Variants in RARB observed in about 807,000 individuals in gnomAD.
The protein encoded by RARB is retinoic acid receptor beta, also known as HBV-activated protein.
In RARB, 17 loss-of-function variants were observed where a neutral mutation model predicts 51.9. That is an observed-to-expected ratio of 0.33 (90% CI 0.22 to 0.49). The LOEUF is 0.49. Ranked by LOEUF, RARB falls within the 20% of genes least tolerant of loss-of-function variation. The pLI, the probability that RARB is intolerant of heterozygous loss-of-function variation, is 0.99. For synonymous variants in RARB, 215 were observed against 195.4 expected, an observed-to-expected ratio of 1.10 and a Z score of -0.84; for missense variants, 369 against 550.8, an observed-to-expected ratio of 0.67 and a Z score of 3.30.
chr3:25,099,387 A>G (rs1699356969), intron 3 of RARB, among the ~76,000 whole-genome samples: 1 of 152,176 alleles, frequency 6.6e-6, no homozygotes, highest in South Asian at 2.1e-4. Context: ...CTTTCAAAGG[A>G]AAAATATTAA....
chr3:25,416,276 C>A (rs908730087), intron 5 of RARB, among the ~76,000 whole-genome samples: 1 of 152,154 alleles, frequency 6.6e-6, no homozygotes, highest in Non-Finnish European at 1.5e-5. Context: ...GTAGTCCCAG[C>A]TACTTACGGG....
At chr3:25,263,860 C>G (rs1235406444) in intron 5 of RARB, among the ~76,000 whole-genome samples, 1 of 152,144 alleles carries the variant, frequency 6.6e-6, no homozygotes, top group Non-Finnish European at 1.5e-5. Flanking sequence ...TCCTCCCAGT[C>G]AACAAATTCT....
At chr3:25,096,402 T>C (rs1699293043) in intron 3 of RARB, among the ~76,000 whole-genome samples, 1 of 152,114 alleles carries the variant, frequency 6.6e-6, no homozygotes. Context: ...AGAGGGGAAG[T>C]TGCATCTAAA....
At chr3:25,186,765 T>C (rs1235575259) in intron 5 of RARB, among the ~76,000 whole-genome samples, 1 of 152,070 alleles carries the variant, frequency 6.6e-6, no homozygotes, top group Non-Finnish European at 1.5e-5. Context: ...TCTAGATTCA[T>C]GACTGAGACA....
At chr3:24,963,057 G>C (rs545543983) in intron 2 of RARB, among the ~76,000 whole-genome samples, 1 of 152,252 alleles carries the variant, frequency 6.6e-6, no homozygotes, top group African/African-American at 2.4e-5. Context: ...TGTGCCTCCT[G>C]ATGAACCATG....
At chr3:24,971,510 G>A (rs1402317762) in intron 2 of RARB, among the ~76,000 whole-genome samples, 2 of 152,026 alleles carry the variant, frequency 1.3e-5, no homozygotes, top group African/African-American at 2.4e-5. Flanking sequence ...CTGATATTGT[G>A]AAGTATTCCT....
chr3:25,089,704 C>T (rs1699163718), intron 3 of RARB, among the ~76,000 whole-genome samples: 1 of 152,100 alleles, frequency 6.6e-6, no homozygotes, highest in Non-Finnish European at 1.5e-5. Flanking sequence ...TCAGCAATAG[C>T]AAGCCTCTCC....
intron 2 of RARB, among the ~76,000 whole-genome samples, chr3:25,485,222 C>T (rs1026052579): frequency 3.3e-5 from 5 of 152,152 alleles, no homozygotes; most frequent in African/African-American, 4.8e-5. Flanking sequence ...TTATATAACT[C>T]GTTTGGAAAA....
intron 4 of RARB, among the ~76,000 whole-genome samples, chr3:25,154,483 C>G (rs1237948683): frequency 6.6e-6 from 1 of 152,180 alleles, no homozygotes; most frequent in Non-Finnish European, 1.5e-5. Context: ...TCAGTGGGAC[C>G]CTTGCAATAG....
At chr3:24,985,218 G>A (rs923111604) in intron 2 of RARB, among the ~76,000 whole-genome samples, 1 of 152,072 alleles carries the variant, frequency 6.6e-6, no homozygotes, top group Admixed American at 6.6e-5. Flanking sequence ...AATCACATAA[G>A]AATTTATCTT....
At chr3:25,046,273 A>G (rs1400150884) in intron 2 of RARB, among the ~76,000 whole-genome samples, 3 of 152,192 alleles carry the variant, frequency 2.0e-5, no homozygotes, top group African/African-American at 7.2e-5. Flanking sequence ...ATGCCTTTGA[A>G]AAACTGCAGA....
intron 5 of RARB, among the ~76,000 whole-genome samples, chr3:25,316,882 A>C (rs556434420): frequency 6.6e-6 from 1 of 152,226 alleles, no homozygotes; most frequent in Non-Finnish European, 1.5e-5. Context: ...AGGAACTCTA[A>C]GAAACTATCC....
At position 25,097,861 on chromosome 3, in the gene RARB, C is replaced by T. The variant is rs544976472; in HGVS notation, c.-327-34300C>T. On this transcript the variant is annotated intron_variant, in intron 3 of 11. Transcript: ENST00000383772. ...CTTTGTGCTCATCCCAATCTTACCC[C>T]TACTTTAACTTGAATTCTGAGCATG... Among the ~76,000 whole-genome samples, 8 of 152,178 alleles carry T rather than the reference C, an allele frequency of 5.3e-5. No homozygotes were observed. In the South Asian group the frequency reaches 1.5e-3, roughly 28 times the overall value.
chr3:25,004,191 G>A (rs551605395), intron 2 of RARB, among the ~76,000 whole-genome samples: 1 of 152,198 alleles, frequency 6.6e-6, no homozygotes, highest in African/African-American at 2.4e-5. Context: ...ATCACTGATA[G>A]CCATATGTTA....
chr3:25,570,288 T>G (rs576835382), intron 4 of RARB, among the ~76,000 whole-genome samples: 102 of 152,318 alleles, frequency 6.7e-4, no homozygotes, highest in African/African-American at 2.5e-3. Flanking sequence ...GTAAAGCCAG[T>G]GAAGCGTTAC....
chr3:24,937,867 T>C (rs1032767763), intron 2 of RARB, among the ~76,000 whole-genome samples: 2 of 152,168 alleles, frequency 1.3e-5, no homozygotes, highest in African/African-American at 4.8e-5. Flanking sequence ...TTTTGTTTCT[T>C]TTGAGAAATC....
intron 1 of RARB, among the ~76,000 whole-genome samples, chr3:25,438,552 T>G (rs1239212294): frequency 6.6e-6 from 1 of 152,166 alleles, no homozygotes; most frequent in Non-Finnish European, 1.5e-5. Context: ...CTCACAACCC[T>G]ATAAGTGAGA....
intron 2 of RARB, among the ~76,000 whole-genome samples, chr3:24,873,025 A>G (rs115239549): frequency 0.017 from 2,653 of 152,352 alleles, 73 homozygotes; most frequent in African/African-American, 0.06. Flanking sequence ...ACAGCTATTC[A>G]ACTCAGCTAT....
chr3:25,048,232 A>G (rs1425430576), intron 2 of RARB, among the ~76,000 whole-genome samples: 1 of 152,150 alleles, frequency 6.6e-6, no homozygotes, highest in Non-Finnish European at 1.5e-5. Flanking sequence ...TATATATATT[A>G]TCTACTTAGT....
Sources: gnomAD v4.1 joint callset for allele counts (sites outside exome capture counted in the v4.1 genomes callset) on GRCh38, gnomAD v4.1.1 for gene constraint, MANE v1.5 for transcripts, NCBI Gene and HGNC (gene_info 2026-07-23, HGNC 2026-07-21) for gene names.